TCERG1L: variants seen among roughly 807,000 people sequenced by gnomAD.
TCERG1L encodes transcription elongation regulator 1-like protein.
In TCERG1L, 37 loss-of-function variants were observed where a neutral mutation model predicts 56.3. That is an observed-to-expected ratio of 0.66 (90% CI 0.51 to 0.87). The LOEUF is 0.87. TCERG1L is among the 40% of genes least tolerant of loss of function. The pLI, the probability that TCERG1L is intolerant of heterozygous loss-of-function variation, is 0.00. For synonymous variants in TCERG1L, 324 were observed against 326.3 expected (o/e 0.99, Z 0.08); for missense variants, 799 against 774.2 (o/e 1.03, Z -0.38).
chr10:131,128,279 A>G (rs910148105), intron 8 of TCERG1L, among the ~76,000 whole-genome samples: 3 of 152,218 alleles, frequency 2.0e-5, no homozygotes, highest in African/African-American at 7.2e-5. Context: ...AAGCGTCAAC[A>G]GCGTGCAAAG....
At chr10:131,241,167 G>A (rs767000283) in intron 4 of TCERG1L, among the ~76,000 whole-genome samples, 11 of 149,438 alleles carry the variant, frequency 7.4e-5, no homozygotes, top group Middle Eastern at 3.5e-3. Flanking sequence ...TGGAGGAGCC[G>A]CCCGCACGCA....
At chr10:131,166,927 C>T in intron 4 of TCERG1L, 42 bp from the exon 5 acceptor site, 1 of 1,569,406 alleles carries the variant, frequency 6.4e-7, no homozygotes. Flanking sequence ...TCATTTGTCA[C>T]AGTAGTTTGG....
At chr10:131,112,085 G>T (rs1211756914) in intron 9 of TCERG1L, among the ~76,000 whole-genome samples, 1 of 142,854 alleles carries the variant, frequency 7.0e-6, no homozygotes, top group African/African-American at 2.5e-5. Flanking sequence ...TGGGGCTGTA[G>T]AAGTTCAAGA....
chr10:131,188,547 C>T (rs920523717), intron 4 of TCERG1L, among the ~76,000 whole-genome samples: 10 of 152,160 alleles, frequency 6.6e-5, no homozygotes, highest in African/African-American at 2.4e-4. Flanking sequence ...TTATACATTT[C>T]CATTACTCCT....
chr10:131,233,373 A>C (rs1341184724), intron 4 of TCERG1L, among the ~76,000 whole-genome samples: 1 of 152,126 alleles, frequency 6.6e-6, no homozygotes, highest in Non-Finnish European at 1.5e-5. Context: ...CACAGCCATT[A>C]TATTTTTACT....
At chr10:131,290,400 G>A (rs1490340680) in intron 3 of TCERG1L, among the ~76,000 whole-genome samples, 1 of 152,178 alleles carries the variant, frequency 6.6e-6, no homozygotes, top group African/African-American at 2.4e-5. Flanking sequence ...AGGAGGCTGA[G>A]GCGGGCAGAT....
At chr10:131,109,483 TCTGTGTCTGTGG>T (rs1220855605) in intron 9 of TCERG1L, among the ~76,000 whole-genome samples, 7 of 152,204 alleles carry the variant, frequency 4.6e-5, no homozygotes, top group East Asian at 1.9e-4. Flanking sequence ...TGTGTCTGTG[TCTGTGTCTGTGG>T]CTGTGTCTGT....
At position 131,285,555 on chromosome 10, in the gene TCERG1L, G is replaced by A. The variant is rs1360324708; in HGVS notation, c.670+22656C>T. Among the ~76,000 whole-genome samples, 66 of 132,222 alleles carry A rather than the reference G, an allele frequency of 5.0e-4. 4 individuals carry two copies. The East Asian group carries it at 0.011, about 21-fold the overall frequency. The allele number at this position is 132,222 out of a possible 152,430, so 86.7% of individuals were successfully genotyped here. ...AAGAAAAGAAAAGAAAGAAAGGAAG[G>A]AAGAAAGAAAAAGAAAGAAAGAAAG... On this transcript the variant is annotated intron_variant, in intron 3 of 11. Transcript: ENST00000368642.
rs182704349 is a variant in TCERG1L, at chr10:131,093,907, G to C, written c.1605-589C>G. ...AACTGGACTCCCACATTCGAATGAG[G>C]GAGACATTATCTGCTTCGTTCTCCA... On this transcript the variant is annotated intron_variant, in intron 11 of 11. Coordinates refer to ENST00000368642, the MANE Select transcript of TCERG1L (RefSeq NM_174937.4). 5.3e-5 allele frequency among the ~76,000 whole-genome samples: 8 copies of C among 152,274 alleles called. No homozygotes were observed. In the East Asian group the frequency reaches 9.7e-4, roughly 18 times the overall value.
intron 3 of TCERG1L, among the ~76,000 whole-genome samples, chr10:131,268,673 G>T (rs747058402): frequency 6.6e-6 from 1 of 152,210 alleles, no homozygotes; most frequent in Non-Finnish European, 1.5e-5. Flanking sequence ...ACTGGGTGCA[G>T]CTTCTTCATC....
chr10:131,207,773 C>G (rs1025427476), intron 4 of TCERG1L, among the ~76,000 whole-genome samples: 2 of 152,182 alleles, frequency 1.3e-5, no homozygotes, highest in Admixed American at 6.5e-5. Context: ...GGACCGCCCT[C>G]ACAGCTCGGG....
At chr10:131,243,577 C>T (rs1395332947) in intron 4 of TCERG1L, among the ~76,000 whole-genome samples, 2 of 152,130 alleles carry the variant, frequency 1.3e-5, no homozygotes, top group Admixed American at 1.3e-4. Context: ...GTCTCAAAAA[C>T]GAACAAACAA....
intron 4 of TCERG1L, among the ~76,000 whole-genome samples, chr10:131,218,673 A>G (rs746771303): frequency 5.9e-5 from 9 of 152,058 alleles, no homozygotes; most frequent in Admixed American, 1.3e-4. Flanking sequence ...GTGACTGGAG[A>G]TGAAAGGAGG....
At chr10:131,163,645 C>G (rs1846000970) in intron 5 of TCERG1L, among the ~76,000 whole-genome samples, 1 of 152,152 alleles carries the variant, frequency 6.6e-6, no homozygotes, top group Non-Finnish European at 1.5e-5. Flanking sequence ...CTGCCACATC[C>G]TGTTAAGGCG....
At chr10:131,298,656 T>C (rs998386405) in intron 3 of TCERG1L, among the ~76,000 whole-genome samples, 1 of 152,212 alleles carries the variant, frequency 6.6e-6, no homozygotes, top group Non-Finnish European at 1.5e-5. Context: ...TCAGGTGATC[T>C]GCCCAGCTCG....
At position 131,260,242 on chromosome 10, in the gene TCERG1L, C is replaced by T. The variant is rs774994034; in HGVS notation, c.856+17G>A. The T allele has an allele frequency of 2.8e-5, 38 of 1,348,944 alleles. No homozygotes were observed. The East Asian group carries it at 5.4e-4, about 19-fold the overall frequency. The allele number at this position is 1,348,944 out of a possible 1,614,324, so 83.6% of individuals were successfully genotyped here. ...GCTAAGGCAGCACCAGGCGTCGGGA[C>T]GGCGCTCCGAGCCTACCTGAGACGG... is the stretch of plus-strand genomic sequence containing the variant. On this transcript the variant is annotated intron_variant, in intron 4 of 11. Coordinates refer to ENST00000368642, the MANE Select transcript of TCERG1L (RefSeq NM_174937.4). The surrounding 1 kb of genome is among the most constrained non-coding windows in gnomAD (Gnocchi z 5.8).
intron 3 of TCERG1L, among the ~76,000 whole-genome samples, chr10:131,264,030 A>C (rs1846259638): frequency 7.0e-6 from 1 of 143,044 alleles, no homozygotes; most frequent in Admixed American, 7.2e-5. Flanking sequence ...CCAGAAGGGC[A>C]ATGGGTGGGT....
chr10:131,208,191 C>T (rs1157192961), intron 4 of TCERG1L, among the ~76,000 whole-genome samples: 1 of 152,236 alleles, frequency 6.6e-6, no homozygotes, highest in Admixed American at 6.5e-5. Flanking sequence ...TGAGCCAAAG[C>T]GGTTCCTCCA....
At position 131,102,099 on chromosome 10, in the gene TCERG1L, T is replaced by C. The variant is rs571671513; in HGVS notation, c.1485+2166A>G. ...TTTCCTTTGCTATAGGAAAAAATTA[T>C]ATAACACCCAAACTCAGCTAACTCT... On this transcript the variant is annotated intron_variant, in intron 10 of 11. Coordinates refer to ENST00000368642, the MANE Select transcript of TCERG1L (RefSeq NM_174937.4). 3.3e-5 allele frequency among the ~76,000 whole-genome samples: 5 copies of C among 152,368 alleles called. No homozygotes were observed. In the South Asian group the frequency reaches 8.3e-4, roughly 25 times the overall value.
Sources: allele counts gnomAD v4.1 joint callset (sites outside exome capture counted in the v4.1 genomes callset), GRCh38; gene constraint gnomAD v4.1.1; non-coding constraint Gnocchi (gnomAD v3.1); transcripts MANE v1.5; gene names NCBI Gene and HGNC (gene_info 2026-07-23, HGNC 2026-07-21).